FHIP2B: variants seen among roughly 807,000 people sequenced by gnomAD.
The protein encoded by FHIP2B is FHF complex subunit HOOK-interacting protein 2B.
In FHIP2B, 72 loss-of-function variants were observed where a neutral mutation model predicts 84.0. The observed-to-expected ratio is 0.86, with a 90% CI of 0.71 to 1.04. The LOEUF (loss-of-function observed/expected upper bound fraction) is 1.04, where lower values mean the gene tolerates loss of function less well. Ranked by LOEUF, FHIP2B falls within the 50% of genes least tolerant of loss-of-function variation. FHIP2B has a pLI of 0.00. For missense variants in FHIP2B, 972 were observed against 968.9 expected, an observed-to-expected ratio of 1.00 and a Z score of -0.04; for synonymous variants, 497 against 418.7, an observed-to-expected ratio of 1.19 and a Z score of -2.28.
At chr8:22,089,615 C>T (rs937351731) in intron 1 of FHIP2B, 1 of 394,820 alleles carries the variant, frequency 2.5e-6, no homozygotes, top group African/African-American at 2.1e-5. Flanking sequence ...CGCTCCCTGT[C>T]ACCGCTTGGG....
At chr8:22,100,462 G>C in intron 10 of FHIP2B, 132 bp from the exon 11 acceptor site, 1 of 1,029,266 alleles carries the variant, frequency 9.7e-7, no homozygotes, top group Non-Finnish European at 1.3e-6. Context: ...CCCAAAACCT[G>C]CCACCTTAGC....
At chr8:22,092,915 A>G (rs7820576) in intron 1 of FHIP2B, among the ~76,000 whole-genome samples, 93,738 of 152,018 alleles carry the variant, frequency 0.62, 29,120 homozygotes, top group Admixed American at 0.7. Flanking sequence ...TCGTTATTCA[A>G]TGCGGTTTTA....
chr8:22,089,424 C>G (rs1310172058), intron 1 of FHIP2B, 126 bp downstream of exon 1: 10 of 390,584 alleles, frequency 2.6e-5, no homozygotes, highest in Non-Finnish European at 3.5e-5. Flanking sequence ...CAGGGACCCC[C>G]GGGCCGCGGC....
At position 22,091,111 on chromosome 8, in the gene FHIP2B, C is replaced by T. The variant is rs1343044361; in HGVS notation, c.45+1813C>T. The stretch of plus-strand genomic sequence containing the variant: ...CCTCTTTTGTGCTCTACCCTCAGGT[C>T]GCCAGTCTAGGTCTTTCCCAAGCCT... On this transcript the variant is annotated intron_variant, in intron 1 of 16. Coordinates refer to ENST00000289921, the MANE Select transcript of FHIP2B (RefSeq NM_022749.7). Among the ~76,000 whole-genome samples, 5 of 152,082 alleles carry T rather than the reference C, an allele frequency of 3.3e-5. No individual in the cohort carries two copies. The East Asian group carries it at 5.8e-4, about 18-fold the overall frequency.
rs1269118368 is a variant in FHIP2B at position 22,103,059 on chromosome 8, C to T, written c.*128C>T. 5.7e-5 allele frequency: 71 copies of T among 1,238,498 alleles called. No individual in the cohort carries two copies. In the East Asian group the frequency reaches 9.0e-4, roughly 16 times the overall value. The allele number at this position is 1,238,498 out of a possible 1,614,324, so 76.7% of individuals were successfully genotyped here. A position where few individuals can be genotyped will look rare whatever the true frequency, so the allele number is the denominator to read the frequency against. ...CTCCCGGGCTCACTCAAGGAGACTG[C>T]GGCATGTTGACCACACCAGACTGGG... On this transcript the variant is annotated 3_prime_UTR_variant, in exon 17 of 17. Transcript: ENST00000289921.
chr8:22,100,037 C>T (rs548242546), intron 10 of FHIP2B, 144 bp downstream of exon 10: 2 of 769,962 alleles, frequency 2.6e-6, no homozygotes, highest in African/African-American at 3.7e-5. Flanking sequence ...CCACTTTTAT[C>T]ACACACTAAT....
In FHIP2B at chr8:22,097,701, C is replaced by A. The variant is rs1404488567; in HGVS notation, c.403-16C>A. The A allele has an allele frequency of 1.2e-6, 2 of 1,612,268 alleles. No individual in the cohort carries two copies. The highest frequency in any genetic ancestry group is 2.7e-5 in the African/African-American group (2 of 75,016). On this transcript the variant is annotated splice_polypyrimidine_tract_variant and intron_variant, in intron 4 of 16. Transcript: ENST00000289921. The stretch of plus-strand genomic sequence containing the variant: ...CCACCCCTCTCCCCTCTGTTTCTGT[C>A]CTGGTGCTCTTCCAGAAACTCCTCC...
At chr8:22,093,734 T>TTTTTTTTG (rs1825620340) in intron 1 of FHIP2B, among the ~76,000 whole-genome samples, 9 of 122,162 alleles carry the variant, frequency 7.4e-5, no homozygotes, top group Admixed American at 2.6e-4. Context: ...TTTTTTTTTT[T>TTTTTTTTG]GAGATAGGGT....
chr8:22,101,908 A>G lies in FHIP2B; in HGVS notation c.1851+57A>G, dbSNP rs1826140555. 17 of 1,585,826 alleles carry G rather than the reference A, an allele frequency of 1.1e-5. No individual in the cohort carries two copies. In the South Asian group the frequency reaches 1.7e-4, roughly 16 times the overall value. ...AGGCTGGTGCCTCTGGGGTCCTTCA[A>G]GAGCAGAGGTTGGCCACAGGGTTGC... On this transcript the variant is annotated intron_variant, in intron 14 of 16. Coordinates refer to ENST00000289921, the MANE Select transcript of FHIP2B (RefSeq NM_022749.7).
intron 1 of FHIP2B, chr8:22,089,905 T>C (rs1219654696): frequency 3.1e-5 from 37 of 1,190,044 alleles, no homozygotes; most frequent in Non-Finnish European, 4.0e-5. Flanking sequence ...AATCGCCTTC[T>C]ATTGGGTGCA....
At chr8:22,092,598 GAAA>G (rs1302358675) in intron 1 of FHIP2B, among the ~76,000 whole-genome samples, 2 of 106,378 alleles carry the variant, frequency 1.9e-5, no homozygotes. Flanking sequence ...TGTCTCAGAA[GAAA>G]AAAAAAAAGT....
chr8:22,101,620 G>A, intron 13 of FHIP2B, 88 bp from the exon 14 acceptor site: 1 of 1,557,410 alleles, frequency 6.4e-7, no homozygotes, highest in South Asian at 1.2e-5. Flanking sequence ...ATCTGCCCAA[G>A]GACCCCAGCC....
chr8:22,090,464 T>A (rs977064912), intron 1 of FHIP2B, among the ~76,000 whole-genome samples: 1 of 152,008 alleles, frequency 6.6e-6, no homozygotes, highest in African/African-American at 2.4e-5. Flanking sequence ...GTAGAGAGGG[T>A]TCCAAAATGA....
Position 22,089,310 on chromosome 8 carries a change from AGGGCC to A in FHIP2B, c.45+24_45+28del. On this transcript the variant is annotated intron_variant, in intron 1 of 16. Transcript: ENST00000289921. ...AAGCCGTGGGGGCGGTGAGGCCGGC[AGGGCC>A]GGGCCGGGCCGCCGGGAGTCGCGGG... 4.0e-6 allele frequency: 4 copies of A among 992,020 alleles called. No homozygotes were observed. Among genetic ancestry groups the A allele is most frequent in the African/African-American group, 1.8e-5 (1 of 56,350 alleles). 61.5% of individuals were successfully genotyped at this position (992,020 alleles called of 1,614,324 possible). A position where few individuals can be genotyped will look rare whatever the true frequency, so the allele number is the denominator to read the frequency against.
Position 22,099,763 on chromosome 8 carries a change from G to A in FHIP2B, c.1211G>A (p.Arg404His), listed in dbSNP as rs200510567. 1.7e-5 allele frequency: 27 copies of A among 1,608,754 alleles called. No homozygotes were observed. Among genetic ancestry groups the A allele is most frequent in the Non-Finnish European group, 1.9e-5 (22 of 1,178,982 alleles). ...CTCACAGCCATGCTGCGCCAGCTTC[G>A]CTCCCCTGCGCTGCTGCGGGAGGCC... The part of the protein sequence containing the change: ...ALLTAMLRQL[R>H]SPALLREAVA... Residue 404 changes from arginine (R) to histidine (H), a missense_variant, in exon 10 of 17, where the codon CGC (arginine) becomes CAC (histidine). By Grantham distance (29) the Arg-to-His change is conservative. Transcript: ENST00000289921.
chr8:22,091,832 T>C (rs914266429), intron 1 of FHIP2B, among the ~76,000 whole-genome samples: 4 of 152,210 alleles, frequency 2.6e-5, no homozygotes, highest in African/African-American at 9.6e-5. Flanking sequence ...GCCAGAGGAC[T>C]TTCTAAAACA....
chr8:22,096,273 T>G, intron 2 of FHIP2B, 64 bp from the exon 3 acceptor site: 3 of 1,427,524 alleles, frequency 2.1e-6, no homozygotes, highest in Non-Finnish European at 9.3e-7. Context: ...CAGGAGAGGG[T>G]GAAGTTTTCA....
chr8:22,099,580 G>C, intron 9 of FHIP2B, 124 bp from the exon 10 acceptor site: 1 of 1,244,746 alleles, frequency 8.0e-7, no homozygotes, highest in Non-Finnish European at 1.1e-6. Context: ...GACCTCAGCA[G>C]GGATGGGCAA....
At position 22,103,042 on chromosome 8, in the gene FHIP2B, C is replaced by T. The variant is rs1407939566; in HGVS notation, c.*111C>T. 5.8e-6 allele frequency: 8 copies of T among 1,380,958 alleles called. No individual in the cohort carries two copies. Among genetic ancestry groups the T allele is most frequent in the Non-Finnish European group, 7.8e-6 (8 of 1,030,234 alleles). The allele number at this position is 1,380,958 out of a possible 1,614,324, so 85.5% of individuals were successfully genotyped here. The stretch of plus-strand genomic sequence containing the variant: ...CTGGGATGGGGCTTCTGCTCCCGGG[C>T]TCACTCAAGGAGACTGCGGCATGTT... On this transcript the variant is annotated 3_prime_UTR_variant, in exon 17 of 17. Transcript: ENST00000289921.
Sources: gnomAD v4.1 joint callset for allele counts (sites outside exome capture counted in the v4.1 genomes callset) on GRCh38, gnomAD v4.1.1 for gene constraint, MANE v1.5 for transcripts, NCBI Gene and HGNC (gene_info 2026-07-23, HGNC 2026-07-21) for gene names.